The following PTPRT variants were observed in gnomAD, a reference collection of about 807,000 sequenced individuals.
PTPRT encodes protein tyrosine phosphatase receptor type T, also known as receptor-type tyrosine-protein phosphatase T.
In PTPRT, 56 loss-of-function variants were observed where a neutral mutation model predicts 176.8. The observed-to-expected ratio is 0.32, with a 90% CI of 0.26 to 0.40. The LOEUF is 0.40. Among genes scored for constraint, PTPRT ranks in the 10% least tolerant of loss-of-function variants. The pLI is 1.00. For missense variants in PTPRT, 1,540 were observed against 1,908.2 expected (o/e 0.81, Z 3.60); for synonymous variants, 783 against 739.0 (o/e 1.06, Z -0.96).
At chr20:42,477,392 TA>T (rs1318520494) in intron 7 of PTPRT, among the ~76,000 whole-genome samples, 2 of 150,624 alleles carry the variant, frequency 1.3e-5, no homozygotes, top group African/African-American at 2.4e-5. Flanking sequence ...TATATATATA[TA>T]TTTTTTTTGC....
chr20:42,919,645 C>T (rs1979015022), intron 1 of PTPRT, among the ~76,000 whole-genome samples: 1 of 152,080 alleles, frequency 6.6e-6, no homozygotes, highest in South Asian at 2.1e-4. Context: ...TCATTGTATC[C>T]CCACTACCAA....
chr20:42,805,474 A>G (rs1254045089), intron 2 of PTPRT, among the ~76,000 whole-genome samples: 1 of 152,178 alleles, frequency 6.6e-6, no homozygotes, highest in Non-Finnish European at 1.5e-5. Flanking sequence ...ACAAATGTAT[A>G]TTGAGTGCCT....
At chr20:42,889,919 T>C (rs1159484043) in intron 1 of PTPRT, among the ~76,000 whole-genome samples, 1 of 152,112 alleles carries the variant, frequency 6.6e-6, no homozygotes, top group African/African-American at 2.4e-5. Flanking sequence ...TGACACCCAA[T>C]AGAAAAAAAG....
intron 5 of PTPRT, among the ~76,000 whole-genome samples, chr20:42,767,932 A>T (rs1242503391): frequency 3.4e-5 from 5 of 146,716 alleles, no homozygotes; most frequent in Non-Finnish European, 7.5e-5. Flanking sequence ...TACATGATAT[A>T]TATTATAACA....
Position 42,386,644 on chromosome 20 carries a change from C to T in PTPRT, c.1561-34359G>A, listed in dbSNP as rs73618847. Among the ~76,000 whole-genome samples, 16 of 152,164 alleles carry T rather than the reference C, an allele frequency of 1.1e-4. No individual in the cohort carries two copies. The East Asian group carries it at 2.5e-3, about 24-fold the overall frequency. ...TTGGGAGGCTGAGGCAGGTGGATCA[C>T]GAGGTCGTGAGTTCAAGACCAGCCT... On this transcript the variant is annotated intron_variant, in intron 9 of 30. Transcript: ENST00000373187.
chr20:43,060,991 T>TA (rs768068909), intron 1 of PTPRT, among the ~76,000 whole-genome samples: 6 of 152,202 alleles, frequency 3.9e-5, no homozygotes, highest in Admixed American at 2.0e-4. Context: ...TATACCTCAA[T>TA]AAAAAATTTA....
intron 2 of PTPRT, among the ~76,000 whole-genome samples, chr20:42,863,418 A>C (rs553621217): frequency 6.6e-6 from 1 of 152,342 alleles, no homozygotes; most frequent in East Asian, 1.9e-4. Flanking sequence ...CTATCTAGAA[A>C]TGAGAGCAGG....
intron 1 of PTPRT, among the ~76,000 whole-genome samples, chr20:43,095,427 T>C (rs2012093084): frequency 6.6e-6 from 1 of 152,088 alleles, no homozygotes; most frequent in Non-Finnish European, 1.5e-5. Context: ...TCAGCACCTG[T>C]GATCACACCC....
At chr20:42,177,734 T>C (rs1990350466) in intron 16 of PTPRT, among the ~76,000 whole-genome samples, 1 of 152,082 alleles carries the variant, frequency 6.6e-6, no homozygotes, top group Non-Finnish European at 1.5e-5. Flanking sequence ...GTTATAACCA[T>C]TTTATGGGGG....
chr20:42,180,183 C>A (rs1009144189), intron 16 of PTPRT, among the ~76,000 whole-genome samples: 1 of 152,130 alleles, frequency 6.6e-6, no homozygotes, highest in South Asian at 2.1e-4. Context: ...TACAATGGTA[C>A]CTTCTGAAAG....
chr20:42,885,404 C>T (rs1295808895), intron 2 of PTPRT, among the ~76,000 whole-genome samples: 1 of 149,026 alleles, frequency 6.7e-6, no homozygotes, highest in South Asian at 2.1e-4. Context: ...ATTAATATAA[C>T]CTTATAATAG....
At chr20:42,981,117 C>G (rs1157906693) in intron 1 of PTPRT, among the ~76,000 whole-genome samples, 4 of 152,190 alleles carry the variant, frequency 2.6e-5, no homozygotes, top group Non-Finnish European at 5.9e-5. Context: ...AGAGTTAAGT[C>G]CTGTCTCGAC....
At chr20:42,453,837 A>T (rs1601054907) in intron 8 of PTPRT, among the ~76,000 whole-genome samples, 1 of 141,036 alleles carries the variant, frequency 7.1e-6, no homozygotes, top group Non-Finnish European at 1.5e-5. Context: ...CGCCCGGCTA[A>T]TTTTTTTTTT....
At chr20:42,886,095 A>G (rs540771810) in intron 1 of PTPRT, among the ~76,000 whole-genome samples, 163 bp from the exon 2 acceptor site, 45 of 151,776 alleles carry the variant, frequency 3.0e-4, no homozygotes, top group Non-Finnish European at 5.6e-4. Flanking sequence ...TTGGATTTTT[A>G]TATTTGCTTT....
chr20:42,972,632 T>C (rs954811412), intron 1 of PTPRT, among the ~76,000 whole-genome samples: 1 of 130,136 alleles, frequency 7.7e-6, no homozygotes, highest in Non-Finnish European at 1.5e-5. Flanking sequence ...ATCGTGTCCC[T>C]GCACTCCAGC....
intron 7 of PTPRT, among the ~76,000 whole-genome samples, chr20:42,571,389 A>G (rs923896894): frequency 6.6e-6 from 1 of 152,206 alleles, no homozygotes; most frequent in Non-Finnish European, 1.5e-5. Context: ...AGAAGCTGGA[A>G]AAGGCAAGGA....
intron 7 of PTPRT, among the ~76,000 whole-genome samples, chr20:42,657,918 G>A (rs2075154096): frequency 7.5e-6 from 1 of 132,738 alleles, no homozygotes; most frequent in Admixed American, 7.9e-5. Context: ...TCTCTGTGAG[G>A]TTTACCTTTT....
In PTPRT at chr20:42,425,658, T is replaced by G. The variant is rs573698037; in HGVS notation, c.1560+22562A>C. Among the ~76,000 whole-genome samples the G allele has an allele frequency of 2.0e-5, 3 of 152,334 alleles. No homozygotes were observed. The South Asian group carries it at 6.2e-4, about 32-fold the overall frequency. On this transcript the variant is annotated intron_variant, in intron 9 of 30. Transcript: ENST00000373187. The stretch of plus-strand genomic sequence containing the variant: ...ACAACATCATAACTATGTGAGGAGA[T>G]GGATATGTTAATTAGATTGATTGTG...
At chr20:42,855,660 G>A (rs111328925) in intron 2 of PTPRT, among the ~76,000 whole-genome samples, 5,501 of 146,914 alleles carry the variant, frequency 0.037, 356 homozygotes, top group African/African-American at 0.14. Context: ...TAGAACTCTT[G>A]ACCTCAAGCA....
Sources: gnomAD v4.1 joint callset for allele counts (sites outside exome capture counted in the v4.1 genomes callset) on GRCh38, gnomAD v4.1.1 for gene constraint, MANE v1.5 for transcripts, NCBI Gene and HGNC (gene_info 2026-07-23, HGNC 2026-07-21) for gene names.